Variants in DCC observed in about 807,000 individuals in gnomAD.
DCC encodes the protein DCC netrin 1 receptor.
Under a neutral mutation model 172.5 loss-of-function variants are expected in DCC, and 58 were observed. The observed-to-expected ratio is 0.34, with a 90% CI of 0.27 to 0.42. DCC has a LOEUF of 0.42. Ranked by LOEUF, DCC falls within the 10% of genes least tolerant of loss-of-function variation. DCC has a pLI of 1.00. For missense variants in DCC, 1,740 were observed against 1,791.0 expected (o/e 0.97, Z 0.51); for synonymous variants, 709 against 644.5 (o/e 1.10, Z -1.52).
chr18:52,611,993 T>A (rs1407654406), intron 1 of DCC, among the ~76,000 whole-genome samples: 4 of 152,156 alleles, frequency 2.6e-5, no homozygotes, highest in Admixed American at 6.5e-5. Context: ...TGGATTTTTT[T>A]AAATAAGTAT....
At chr18:53,040,514 T>A (rs897869201) in intron 5 of DCC, among the ~76,000 whole-genome samples, 2 of 151,982 alleles carry the variant, frequency 1.3e-5, no homozygotes, top group Admixed American at 1.3e-4. Flanking sequence ...ATTCTGCATG[T>A]TTAAAACACG....
chr18:53,030,423 T>C (rs2042011887), intron 5 of DCC, among the ~76,000 whole-genome samples: 1 of 152,076 alleles, frequency 6.6e-6, no homozygotes, highest in African/African-American at 2.4e-5. Flanking sequence ...GAACAGGGTC[T>C]ATTCCATTTT....
At chr18:53,097,701 T>C (rs1287875881) in intron 7 of DCC, among the ~76,000 whole-genome samples, 1 of 152,156 alleles carries the variant, frequency 6.6e-6, no homozygotes, top group Non-Finnish European at 1.5e-5. Flanking sequence ...AGGTTAGAAG[T>C]CCATGATTAA....
At chr18:53,477,787 CT>C (rs2045783973) in intron 25 of DCC, among the ~76,000 whole-genome samples, 1 of 152,094 alleles carries the variant, frequency 6.6e-6, no homozygotes, top group Non-Finnish European at 1.5e-5. Flanking sequence ...TATGCTACTC[CT>C]TATCCCCAAG....
intron 1 of DCC, among the ~76,000 whole-genome samples, chr18:52,678,618 A>C (rs1015622101): frequency 6.6e-6 from 1 of 152,216 alleles, no homozygotes; most frequent in Non-Finnish European, 1.5e-5. Context: ...CTAAAGCATT[A>C]GTGTAAAAAG....
At chr18:52,433,127 T>C (rs556112707) in intron 1 of DCC, among the ~76,000 whole-genome samples, 1 of 152,342 alleles carries the variant, frequency 6.6e-6, no homozygotes, top group East Asian at 1.9e-4. Context: ...CCTGAAATTA[T>C]TTAACCAGGT....
At chr18:52,934,274 C>T (rs759184596) in intron 5 of DCC, among the ~76,000 whole-genome samples, 2 of 151,904 alleles carry the variant, frequency 1.3e-5, no homozygotes, top group Non-Finnish European at 2.9e-5. Flanking sequence ...TCTAGTGATA[C>T]ATTGAAATTT....
intron 1 of DCC, among the ~76,000 whole-genome samples, chr18:52,518,573 T>G (rs560773839): frequency 6.6e-6 from 1 of 152,092 alleles, no homozygotes; most frequent in South Asian, 2.1e-4. Flanking sequence ...TCTTAGAAAA[T>G]AAAACAAAAC....
chr18:53,434,224 G>C (rs1050356436), intron 21 of DCC, among the ~76,000 whole-genome samples: 1 of 152,092 alleles, frequency 6.6e-6, no homozygotes, highest in African/African-American at 2.4e-5. Context: ...GATTGGAACT[G>C]CTTTCAGAAA....
Position 53,204,461 on chromosome 18 carries a change from TG to T in DCC, c.1574-754del, listed in dbSNP as rs2055593569. ...ATTCAGGAAGCTGAGACAGGAGGATTGCTTGACCCCAGGAGTTCAAGGTTGC... is the reference window on the plus strand; with the variant it reads ...ATTCAGGAAGCTGAGACAGGAGGATTCTTGACCCCAGGAGTTCAAGGTTGC... On this transcript the variant is annotated intron_variant, in intron 9 of 28. Transcript: ENST00000442544. 1.3e-5 allele frequency among the ~76,000 whole-genome samples: 2 copies of T among 151,952 alleles called. 1 individual carries two copies. The highest frequency in any genetic ancestry group is 4.1e-4 in the South Asian group (2 of 4,820).
chr18:53,100,099 AC>A (rs2043147416), intron 7 of DCC, among the ~76,000 whole-genome samples: 1 of 151,340 alleles, frequency 6.6e-6, no homozygotes, highest in Non-Finnish European at 1.5e-5. Context: ...GGCAGGCACC[AC>A]CACGCCTGGT....
chr18:52,475,841 A>G (rs1390954247), intron 1 of DCC, among the ~76,000 whole-genome samples: 2 of 152,204 alleles, frequency 1.3e-5, no homozygotes, highest in Non-Finnish European at 2.9e-5. Context: ...CTATTACCCC[A>G]GAAACTCAGA....
intron 1 of DCC, among the ~76,000 whole-genome samples, chr18:52,372,825 G>A (rs140943212): frequency 1.3e-5 from 2 of 152,198 alleles, no homozygotes; most frequent in Admixed American, 6.5e-5. Flanking sequence ...ATACCTCGGG[G>A]CAGCTTTGGG....
At chr18:52,879,527 G>A (rs961695154) in intron 2 of DCC, among the ~76,000 whole-genome samples, 5 of 148,196 alleles carry the variant, frequency 3.4e-5, no homozygotes, top group East Asian at 2.0e-4. Context: ...GGGTTCAAGC[G>A]ATTCTTCTGC....
chr18:52,494,654 C>A (rs1467064135), intron 1 of DCC, among the ~76,000 whole-genome samples: 1 of 151,942 alleles, frequency 6.6e-6, no homozygotes, highest in Non-Finnish European at 1.5e-5. Flanking sequence ...AGAGCTTCAG[C>A]ATTTTCATTG....
At chr18:53,018,276 G>T (rs756850691) in intron 5 of DCC, among the ~76,000 whole-genome samples, 1 of 152,128 alleles carries the variant, frequency 6.6e-6, no homozygotes, top group Non-Finnish European at 1.5e-5. Context: ...AATAAATACT[G>T]ACATTATAGA....
At chr18:52,854,084 A>G (rs929997232) in intron 2 of DCC, among the ~76,000 whole-genome samples, 4 of 152,344 alleles carry the variant, frequency 2.6e-5, no homozygotes, top group Non-Finnish European at 4.4e-5. Flanking sequence ...TGGCAGAATG[A>G]ATTTTAATAG....
chr18:52,698,457 T>C (rs1251860332), intron 1 of DCC, among the ~76,000 whole-genome samples: 1 of 152,212 alleles, frequency 6.6e-6, no homozygotes, highest in Non-Finnish European at 1.5e-5. Flanking sequence ...TCTCTTCTAT[T>C]TTCCTTTTCT....
intron 2 of DCC, among the ~76,000 whole-genome samples, chr18:52,799,951 CTG>C (rs370346508): frequency 6.6e-5 from 10 of 152,168 alleles, no homozygotes; most frequent in African/African-American, 1.9e-4. Context: ...ACGGGGAACT[CTG>C]TAAGGGCAGA....
Sources: allele counts gnomAD v4.1 joint callset (sites outside exome capture counted in the v4.1 genomes callset), GRCh38; gene constraint gnomAD v4.1.1; transcripts MANE v1.5; gene names NCBI Gene and HGNC (gene_info 2026-07-23, HGNC 2026-07-21).